CCDC138: variants seen among roughly 807,000 people sequenced by gnomAD.
CCDC138 encodes coiled-coil domain containing 138, also known as coiled-coil domain-containing protein 138.
In CCDC138, 66 loss-of-function variants were observed where a neutral mutation model predicts 82.3. That is an observed-to-expected ratio of 0.80 (90% CI 0.66 to 0.98). The LOEUF (loss-of-function observed/expected upper bound fraction) is 0.98, where lower values mean the gene tolerates loss of function less well. CCDC138 is among the 50% of genes least tolerant of loss of function. The probability of loss-of-function intolerance (pLI) is 0.00; values close to 1 mark genes in which losing one functional copy is unlikely to be tolerated. For missense variants in CCDC138, 816 were observed against 758.9 expected (o/e 1.08, Z -0.88); for synonymous variants, 297 against 265.4 (o/e 1.12, Z -1.16).
chr2:108,871,834 C>A (rs75859335), intron 13 of CCDC138, among the ~76,000 whole-genome samples: 4,023 of 152,150 alleles, frequency 0.026, 164 homozygotes, highest in African/African-American at 0.092. Flanking sequence ...CATAGTTTAT[C>A]TTTTTACCTT....
At chr2:108,787,827 G>A (rs1245772519) in intron 1 of CCDC138, among the ~76,000 whole-genome samples, 1 of 152,084 alleles carries the variant, frequency 6.6e-6, no homozygotes, top group East Asian at 1.9e-4. Context: ...CATGAGATGA[G>A]TGATGTGTGG....
intron 10 of CCDC138, 37 bp downstream of exon 10, chr2:108,816,142 T>C (rs1382367956): frequency 6.7e-7 from 1 of 1,490,968 alleles, no homozygotes; most frequent in South Asian, 1.2e-5. Context: ...ATTCAGAATA[T>C]ATGAAGATTA....
In CCDC138 at chr2:108,812,506, A is replaced by G. The variant is rs915886085; in HGVS notation, c.856-125A>G. On this transcript the variant is annotated intron_variant, in intron 7 of 14. Transcript: ENST00000295124. ...CAGTTGTGATCTAAGTTAATCATGAATGCTGTCTCTGTTTTGTTACATTGG... is the reference window on the plus strand; with the variant it reads ...CAGTTGTGATCTAAGTTAATCATGAGTGCTGTCTCTGTTTTGTTACATTGG... 3 of 684,048 alleles carry G rather than the reference A, an allele frequency of 4.4e-6. No homozygotes were observed. In the African/African-American group the frequency reaches 5.3e-5, roughly 12 times the overall value. The allele number at this position is 684,048 out of a possible 1,614,324, so 42.4% of individuals were successfully genotyped here. A position where few individuals can be genotyped will look rare whatever the true frequency, so the allele number is the denominator to read the frequency against.
intron 13 of CCDC138, among the ~76,000 whole-genome samples, chr2:108,860,661 C>T (rs577396417): frequency 9.2e-5 from 14 of 152,094 alleles, no homozygotes; most frequent in African/African-American, 3.1e-4. Context: ...TCCACTTGAT[C>T]GTGGTGGATT....
At chr2:108,842,486 G>C (rs1558713740) in intron 11 of CCDC138, among the ~76,000 whole-genome samples, 1 of 152,142 alleles carries the variant, frequency 6.6e-6, no homozygotes, top group Non-Finnish European at 1.5e-5. Flanking sequence ...TGGAGTCCAG[G>C]ATGTTACCCA....
At chr2:108,810,389 G>C (rs1434414740) in intron 7 of CCDC138, among the ~76,000 whole-genome samples, 1 of 152,132 alleles carries the variant, frequency 6.6e-6, no homozygotes, top group East Asian at 1.9e-4. Flanking sequence ...CTTTTTCTGT[G>C]TCTATTGAAA....
At chr2:108,875,395 T>C (rs1023352634) in intron 14 of CCDC138, among the ~76,000 whole-genome samples, 1 of 151,482 alleles carries the variant, frequency 6.6e-6, no homozygotes, top group Non-Finnish European at 1.5e-5. Context: ...AAGAGGATGG[T>C]TGAACAAGTA....
At chr2:108,787,623 C>T (rs1353655766) in intron 1 of CCDC138, among the ~76,000 whole-genome samples, 1 of 152,100 alleles carries the variant, frequency 6.6e-6, no homozygotes, top group East Asian at 1.9e-4. Flanking sequence ...GCAGATCCGA[C>T]CCAAGAACGA....
chr2:108,855,750 C>T (rs1692489826), intron 12 of CCDC138, among the ~76,000 whole-genome samples: 1 of 152,150 alleles, frequency 6.6e-6, no homozygotes, highest in African/African-American at 2.4e-5. Context: ...CTAAACTTCT[C>T]ATTCTTAATA....
downstream of CCDC138, among the ~76,000 whole-genome samples, chr2:108,880,297 T>C (rs906550174): frequency 6.6e-6 from 1 of 152,086 alleles, no homozygotes; most frequent in Non-Finnish European, 1.5e-5. Flanking sequence ...GTAGATTCCA[T>C]GTTCATAGAT....
chr2:108,806,551 G>A (rs1440933940), intron 7 of CCDC138, among the ~76,000 whole-genome samples: 2 of 152,100 alleles, frequency 1.3e-5, no homozygotes, highest in Non-Finnish European at 1.5e-5. Flanking sequence ...AAGTACTTTG[G>A]GCTTTGTAGG....
intron 14 of CCDC138, among the ~76,000 whole-genome samples, chr2:108,874,916 C>G (rs1427976212): frequency 1.1e-5 from 1 of 94,250 alleles, no homozygotes; most frequent in Non-Finnish European, 2.5e-5. Flanking sequence ...CTTCTTAATT[C>G]ATGGGATTTT....
intron 10 of CCDC138, among the ~76,000 whole-genome samples, chr2:108,816,774 C>T (rs1684874489): frequency 6.6e-6 from 1 of 152,180 alleles, no homozygotes; most frequent in Non-Finnish European, 1.5e-5. Flanking sequence ...TTGCTTACTG[C>T]AGCCTCCAAA....
intron 5 of CCDC138, among the ~76,000 whole-genome samples, chr2:108,795,058 T>TA (rs1558970750): frequency 3.8e-5 from 1 of 26,012 alleles, no homozygotes; most frequent in Non-Finnish European, 2.4e-4. Flanking sequence ...TAAGTACTTA[T>TA]ATATAAAAAG....
intron 10 of CCDC138, among the ~76,000 whole-genome samples, chr2:108,820,299 G>A (rs1436207677): frequency 2.6e-5 from 4 of 152,054 alleles, no homozygotes; most frequent in African/African-American, 7.2e-5. Context: ...AGAAAAAAAC[G>A]AAGAAAAGTG....
At chr2:108,842,507 TCACA>T (rs1002988280) in intron 11 of CCDC138, among the ~76,000 whole-genome samples, 10 of 152,126 alleles carry the variant, frequency 6.6e-5, no homozygotes, top group Admixed American at 4.6e-4. Flanking sequence ...TACAGGTTTT[TCACA>T]GGCTGTTTTG....
intron 13 of CCDC138, among the ~76,000 whole-genome samples, chr2:108,866,211 C>A (rs558346923): frequency 9.8e-5 from 15 of 152,320 alleles, no homozygotes; most frequent in African/African-American, 3.1e-4. Context: ...CAGGAGTCCT[C>A]TTCTGCCATC....
chr2:108,799,771 T>C (rs1401554106), intron 6 of CCDC138, among the ~76,000 whole-genome samples: 1 of 152,182 alleles, frequency 6.6e-6, no homozygotes, highest in Non-Finnish European at 1.5e-5. Context: ...CCTTGTGCTA[T>C]TTCCCCAAAG....
chr2:108,860,793 G>A (rs980759361), intron 13 of CCDC138, among the ~76,000 whole-genome samples: 1 of 151,806 alleles, frequency 6.6e-6, no homozygotes, highest in Non-Finnish European at 1.5e-5. Flanking sequence ...CCAGATTTTG[G>A]CATCAGTATG....
Sources: gnomAD v4.1 joint callset for allele counts (sites outside exome capture counted in the v4.1 genomes callset) on GRCh38, gnomAD v4.1.1 for gene constraint, MANE v1.5 for transcripts, NCBI Gene and HGNC (gene_info 2026-07-23, HGNC 2026-07-21) for gene names.